Variants in FIG4 observed in about 807,000 individuals in gnomAD.
FIG4 encodes polyphosphoinositide phosphatase.
A neutral mutation model predicts 118.6 loss-of-function variants in FIG4; 112 were observed. The ratio of observed to expected loss-of-function variants is 0.94; its 90% CI spans 0.81 to 1.11. The LOEUF (loss-of-function observed/expected upper bound fraction) is 1.11. Among genes scored for constraint, FIG4 ranks in the 50% least tolerant of loss-of-function variants. The pLI is 0.00. For synonymous variants in FIG4, 369 were observed against 381.2 expected, an observed-to-expected ratio of 0.97 and a Z score of 0.37; for missense variants, 969 against 1,111.7, an observed-to-expected ratio of 0.87 and a Z score of 1.83.
rs960886968 is a variant in FIG4, at chr6:109,754,914, A to AT, written c.1138-5327dup. ...CCTGGATTCATTAATTTTTTGAAGG[A>AT]TTTTTTTTTGTCTCTATTTCCTTCA... On this transcript the variant is annotated intron_variant, in intron 10 of 22. Coordinates refer to ENST00000230124, the MANE Select transcript of FIG4 (RefSeq NM_014845.6). Among the ~76,000 whole-genome samples, 47 of 151,088 alleles carry AT rather than the reference A, an allele frequency of 3.1e-4. No individual in the cohort carries two copies. In the South Asian group the frequency reaches 4.4e-3, roughly 14 times the overall value.
At chr6:109,732,097 T>G (rs1304936306) in intron 4 of FIG4, among the ~76,000 whole-genome samples, 2 of 152,210 alleles carry the variant, frequency 1.3e-5, no homozygotes, top group Non-Finnish European at 2.9e-5. Context: ...TGGGGAAGTC[T>G]AAAGGGAATG....
intron 10 of FIG4, among the ~76,000 whole-genome samples, chr6:109,755,490 C>T (rs1467283305): frequency 6.6e-6 from 1 of 152,104 alleles, no homozygotes; most frequent in Non-Finnish European, 1.5e-5. Context: ...CCTGGGTATC[C>T]TTGTTAACTT....
At chr6:109,769,668 C>A (rs548228078) in intron 15 of FIG4, among the ~76,000 whole-genome samples, 10 of 151,190 alleles carry the variant, frequency 6.6e-5, no homozygotes, top group Non-Finnish European at 1.0e-4. Context: ...CACTTGTAAT[C>A]CTGCACTTTG....
At chr6:109,744,715 A>T (rs1156533047) in intron 10 of FIG4, among the ~76,000 whole-genome samples, 2 of 152,012 alleles carry the variant, frequency 1.3e-5, no homozygotes, top group Non-Finnish European at 2.9e-5. Context: ...TAAGTATACA[A>T]GTGCTGTGAT....
intron 16 of FIG4, among the ~76,000 whole-genome samples, chr6:109,784,564 G>A (rs1206011183): frequency 1.3e-5 from 2 of 152,204 alleles, no homozygotes; most frequent in East Asian, 3.8e-4. Flanking sequence ...AGGGAATCCT[G>A]GTTGTAGGAC....
intron 21 of FIG4, among the ~76,000 whole-genome samples, chr6:109,793,742 C>G (rs576988750): frequency 1.3e-5 from 2 of 152,192 alleles, no homozygotes; most frequent in Admixed American, 6.5e-5. Flanking sequence ...ATATTGTCAG[C>G]TTTTCATTTC....
chr6:109,743,521 A>T (rs778478080), intron 9 of FIG4, 154 bp from the exon 10 acceptor site: 6 of 699,008 alleles, frequency 8.6e-6, no homozygotes, highest in Non-Finnish European at 1.5e-5. Context: ...TACATGATGA[A>T]TAAGTGTCTA....
intron 2 of FIG4, among the ~76,000 whole-genome samples, chr6:109,715,910 C>G (rs1429163082): frequency 6.6e-6 from 1 of 152,168 alleles, no homozygotes; most frequent in East Asian, 1.9e-4. Context: ...TGTAACAAAA[C>G]TATTTTCTGT....
chr6:109,754,732 G>T (rs1447093680), intron 10 of FIG4, among the ~76,000 whole-genome samples: 1 of 152,102 alleles, frequency 6.6e-6, no homozygotes, highest in African/African-American at 2.4e-5. Context: ...TTGCGTAGAG[G>T]TGTTTGTAGT....
At chr6:109,795,413 G>T (rs1202857110) in intron 21 of FIG4, among the ~76,000 whole-genome samples, 1 of 151,888 alleles carries the variant, frequency 6.6e-6, no homozygotes, top group Admixed American at 6.6e-5. Context: ...TAAGCTGTTT[G>T]AAAGTTTTTC....
chr6:109,699,510 T>G (rs925752974), intron 1 of FIG4, among the ~76,000 whole-genome samples: 5 of 146,334 alleles, frequency 3.4e-5, no homozygotes, highest in African/African-American at 7.6e-5. Flanking sequence ...TTTTTTTTTG[T>G]TTTTTTTTTT....
chr6:109,750,387 G>A (rs753653479), intron 10 of FIG4, among the ~76,000 whole-genome samples: 2 of 152,180 alleles, frequency 1.3e-5, no homozygotes, highest in Non-Finnish European at 2.9e-5. Context: ...TATAATCCCA[G>A]TGACCTGGGA....
intron 3 of FIG4, among the ~76,000 whole-genome samples, chr6:109,718,417 G>C (rs1775500528): frequency 6.6e-6 from 1 of 152,152 alleles, no homozygotes; most frequent in South Asian, 2.1e-4. Context: ...TATGCTATAT[G>C]TTTTTCAGAT....
In FIG4 at chr6:109,792,261, A is replaced by G. The variant is rs1193208231; in HGVS notation, c.2377-321A>G. On this transcript the variant is annotated intron_variant, in intron 20 of 22. Coordinates refer to ENST00000230124, the MANE Select transcript of FIG4 (RefSeq NM_014845.6). ...ATAACAGCAGAGCTGAGTATTTGCA[A>G]CAGAGACAGCATAACCCAAAAAAGT... Among the ~76,000 whole-genome samples the G allele has an allele frequency of 3.9e-5, 6 of 152,254 alleles. No homozygotes were observed. The East Asian group carries it at 1.2e-3, about 29-fold the overall frequency.
At chr6:109,746,122 C>T (rs1180760298) in intron 10 of FIG4, among the ~76,000 whole-genome samples, 2 of 152,108 alleles carry the variant, frequency 1.3e-5, no homozygotes, top group Non-Finnish European at 2.9e-5. Flanking sequence ...TTTGACAAAC[C>T]TGACAAAAAC....
chr6:109,795,366 AT>A (rs1778256613), intron 21 of FIG4, among the ~76,000 whole-genome samples: 1 of 151,546 alleles, frequency 6.6e-6, no homozygotes, highest in Non-Finnish European at 1.5e-5. Flanking sequence ...ATGGATCAAC[AT>A]TTTTTACTTG....
intron 10 of FIG4, among the ~76,000 whole-genome samples, chr6:109,757,828 G>C (rs1216278844): frequency 6.6e-6 from 1 of 152,150 alleles, no homozygotes; most frequent in Non-Finnish European, 1.5e-5. Flanking sequence ...AATAGACAGA[G>C]AGTCAAATCA....
At chr6:109,765,435 A>G (rs1777253670) in intron 14 of FIG4, among the ~76,000 whole-genome samples, 2 of 151,702 alleles carry the variant, frequency 1.3e-5, no homozygotes, top group African/African-American at 4.8e-5. Context: ...TGAATATCCA[A>G]TTTTCCCAGC....
chr6:109,749,043 C>A (rs1164117505), intron 10 of FIG4, among the ~76,000 whole-genome samples: 2 of 143,452 alleles, frequency 1.4e-5, no homozygotes, highest in Non-Finnish European at 3.0e-5. Flanking sequence ...CATGCATGGG[C>A]TCAAAGGAGC....
Sources: gnomAD v4.1 joint callset for allele counts (sites outside exome capture counted in the v4.1 genomes callset) on GRCh38, gnomAD v4.1.1 for gene constraint, MANE v1.5 for transcripts, NCBI Gene and HGNC (gene_info 2026-07-23, HGNC 2026-07-21) for gene names.